The following ENTPD1 variants were observed in gnomAD, a reference collection of about 807,000 sequenced individuals.
The protein encoded by ENTPD1 is ATP diphosphohydrolase.
ENTPD1 carries 33 observed loss-of-function variants against 57.0 expected under a neutral mutation model. The observed-to-expected ratio is 0.58, with a 90% CI of 0.44 to 0.77. The LOEUF (loss-of-function observed/expected upper bound fraction) is 0.77. ENTPD1 is among the 30% of genes least tolerant of loss of function. The pLI is 0.00. For synonymous variants in ENTPD1, 202 were observed against 218.8 expected, an observed-to-expected ratio of 0.92 and a Z score of 0.68; for missense variants, 501 against 603.4, an observed-to-expected ratio of 0.83 and a Z score of 1.78.
chr10:95,756,164 C>A lies in ENTPD1; in HGVS notation c.-76C>A. On this transcript the variant is annotated 5_prime_UTR_variant, in exon 1 of 10. Coordinates refer to ENST00000371205, the MANE Select transcript of ENTPD1 (RefSeq NM_001776.6). ...TCTGTTTCCTTGAGGACCTCTCTCA[C>A]GGAGACGGACCACAGCAAGCAGAGG... 2 of 1,560,516 alleles carry A rather than the reference C, an allele frequency of 1.3e-6. No individual in the cohort carries two copies. The highest frequency in any genetic ancestry group is 1.7e-6 in the Non-Finnish European group (2 of 1,152,220).
intron 1 of ENTPD1, among the ~76,000 whole-genome samples, chr10:95,769,623 G>A (rs192583305): frequency 2.6e-5 from 4 of 152,184 alleles, no homozygotes; most frequent in Non-Finnish European, 4.4e-5. Context: ...TCCAATTCAC[G>A]TTTTAATAGG....
At chr10:95,807,832 G>T (rs1008249233) in intron 1 of ENTPD1, among the ~76,000 whole-genome samples, 57 of 152,164 alleles carry the variant, frequency 3.7e-4, no homozygotes, top group African/African-American at 1.3e-3. Flanking sequence ...AGACCATGGG[G>T]TTTTCTAGGT....
chr10:95,777,683 T>G (rs1273380351), intron 1 of ENTPD1, among the ~76,000 whole-genome samples: 6 of 152,220 alleles, frequency 3.9e-5, no homozygotes, highest in African/African-American at 1.4e-4. Flanking sequence ...ACTGCTCTCT[T>G]CAGAGCTGTT....
chr10:95,718,345 G>A (rs1199097614), intron 1 of ENTPD1, among the ~76,000 whole-genome samples: 3 of 152,044 alleles, frequency 2.0e-5, no homozygotes, highest in African/African-American at 4.8e-5. Flanking sequence ...CCCCATACTA[G>A]GGGTCCTTCT....
At chr10:95,752,740 T>C (rs1196931055), upstream of ENTPD1, among the ~76,000 whole-genome samples, 1 of 152,172 alleles carries the variant, frequency 6.6e-6, no homozygotes, top group African/African-American at 2.4e-5. Flanking sequence ...TTATGTTGCC[T>C]AGGCTGGTCT....
At chr10:95,849,869 G>A (rs2098441898) in intron 7 of ENTPD1, among the ~76,000 whole-genome samples, 1 of 152,240 alleles carries the variant, frequency 6.6e-6, no homozygotes, top group African/African-American at 2.4e-5. Flanking sequence ...TCCTTGAAGA[G>A]GAAGGAGGGT....
At chr10:95,853,357 T>C (rs2098448806) in intron 7 of ENTPD1, among the ~76,000 whole-genome samples, 1 of 152,222 alleles carries the variant, frequency 6.6e-6, no homozygotes, top group South Asian at 2.1e-4. Flanking sequence ...TTTCTAGACA[T>C]ACAATCATGT....
intron 1 of ENTPD1, among the ~76,000 whole-genome samples, chr10:95,794,977 GTTCT>G (rs2098220331): frequency 6.6e-6 from 1 of 152,150 alleles, no homozygotes. Context: ...AAAGGATTGT[GTTCT>G]TTCTTGTAAG....
At chr10:95,700,298 G>A in the ENTPD1 span, among the ~76,000 whole-genome samples, 1 of 152,080 alleles carries the variant, frequency 6.6e-6, no homozygotes, top group South Asian at 2.1e-4. Context: ...TAGAAAATAT[G>A]AGACACTGAG....
rs1243014459 is a variant in ENTPD1, at chr10:95,875,776, A to T, written c.*9393A>T. The T allele has an allele frequency of 5.8e-6, 1 of 172,238 alleles. No individual in the cohort carries two copies. The highest frequency in any genetic ancestry group is 1.8e-4 in the East Asian group (1 of 5,544). The allele number at this position is 172,238 out of a possible 1,614,324, so 10.7% of individuals were successfully genotyped here. A position where few individuals can be genotyped will look rare whatever the true frequency, so the allele number is the denominator to read the frequency against. On this transcript the variant is annotated 3_prime_UTR_variant, in exon 10 of 10. Transcript: ENST00000371205. ...TTCTTACACGGCAGCAGCAAGAGAA[A>T]AATGAAGAAGCAGCAAAAGCAGAAA...
chr10:95,839,626 T>C, intron 2 of ENTPD1, 65 bp from the exon 3 acceptor site: 1 of 1,543,642 alleles, frequency 6.5e-7, no homozygotes, highest in Non-Finnish European at 9.0e-7. Context: ...GTCCTTTCTT[T>C]TGCAAGCCTA....
Position 95,875,343 on chromosome 10 carries a change from G to C in ENTPD1, c.*8960G>C, listed in dbSNP as rs1479699199. ...AGTTCCACAAATCTCTAGGGCAAGG[G>C]TGAAATGCTGCCAGTCTCCTTGCTA... On this transcript the variant is annotated 3_prime_UTR_variant, in exon 10 of 10. Coordinates refer to ENST00000371205, the MANE Select transcript of ENTPD1 (RefSeq NM_001776.6). 6.6e-6 allele frequency: 1 copy of C among 152,200 alleles called. No individual in the cohort carries two copies. The highest frequency in any genetic ancestry group is 1.5e-5 in the Non-Finnish European group (1 of 68,068). 9.4% of individuals were successfully genotyped at this position (152,200 alleles called of 1,614,324 possible).
At chr10:95,802,528 T>A (rs2098254166) in intron 1 of ENTPD1, among the ~76,000 whole-genome samples, 1 of 152,184 alleles carries the variant, frequency 6.6e-6, no homozygotes. Flanking sequence ...TACATAGGTA[T>A]ACATGTGCCA....
chr10:95,733,089 T>C (rs1011943205), intron 1 of ENTPD1, among the ~76,000 whole-genome samples: 1 of 152,176 alleles, frequency 6.6e-6, no homozygotes, highest in African/African-American at 2.4e-5. Flanking sequence ...GACCAGGGCT[T>C]ATTTCATCCC....
chr10:95,715,239 T>C (rs1176282386), intron 1 of ENTPD1, among the ~76,000 whole-genome samples: 1 of 152,220 alleles, frequency 6.6e-6, no homozygotes, highest in African/African-American at 2.4e-5. Context: ...TCATGTATTT[T>C]GGGGCTCTGT....
At chr10:95,726,487 C>A (rs2097983777) in intron 1 of ENTPD1, among the ~76,000 whole-genome samples, 1 of 152,058 alleles carries the variant, frequency 6.6e-6, no homozygotes, top group South Asian at 2.1e-4. Flanking sequence ...GTTCATTTTC[C>A]TTCATCTGAG....
chr10:95,806,644 G>C (rs749320254), intron 1 of ENTPD1, among the ~76,000 whole-genome samples: 9 of 152,304 alleles, frequency 5.9e-5, no homozygotes, highest in Middle Eastern at 3.4e-3. Flanking sequence ...TTTGGTCTTT[G>C]ATATTGGTGA....
intron 7 of ENTPD1, among the ~76,000 whole-genome samples, chr10:95,853,735 T>C (rs1264597035): frequency 6.6e-6 from 1 of 152,212 alleles, no homozygotes; most frequent in African/African-American, 2.4e-5. Flanking sequence ...GGATTACGTT[T>C]ATTGATTTTC....
intron 7 of ENTPD1, among the ~76,000 whole-genome samples, chr10:95,851,579 CT>C (rs1310004948): frequency 2.4e-5 from 3 of 126,052 alleles, no homozygotes; most frequent in African/African-American, 8.8e-5. Context: ...TCCCTCCCCC[CT>C]CCCCCCACCC....
Sources: gnomAD v4.1 joint callset for allele counts (sites outside exome capture counted in the v4.1 genomes callset) on GRCh38, gnomAD v4.1.1 for gene constraint, MANE v1.5 for transcripts, NCBI Gene and HGNC (gene_info 2026-07-23, HGNC 2026-07-21) for gene names.